The following STK39 variants were observed in gnomAD, a reference collection of about 807,000 sequenced individuals.
STK39 encodes STE20/SPS1-related proline-alanine-rich protein kinase.
A neutral mutation model predicts 77.8 loss-of-function variants in STK39; 20 were observed. That is an observed-to-expected ratio of 0.26 (90% confidence interval 0.18 to 0.37). The LOEUF is 0.37. Ranked by LOEUF, STK39 falls within the 10% of genes least tolerant of loss-of-function variation. The probability of loss-of-function intolerance (pLI) is 1.00; values close to 1 mark genes in which losing one functional copy is unlikely to be tolerated. For missense variants in STK39, 479 were observed against 656.5 expected (o/e 0.73, Z 2.95); for synonymous variants, 246 against 234.1 (o/e 1.05, Z -0.47).
intron 10 of STK39, among the ~76,000 whole-genome samples, chr2:168,111,849 C>T (rs1004329244): frequency 2.6e-5 from 4 of 152,208 alleles, no homozygotes; most frequent in Non-Finnish European, 4.4e-5. Context: ...AACCTGCCCA[C>T]CCTCCATCTA....
At chr2:168,165,012 A>G (rs1024393020) in intron 3 of STK39, among the ~76,000 whole-genome samples, 1 of 152,170 alleles carries the variant, frequency 6.6e-6, no homozygotes, top group African/African-American at 2.4e-5. Context: ...CCCCTCATTA[A>G]GAGATTCAAT....
At chr2:168,153,913 G>A (rs1261783251) in intron 5 of STK39, among the ~76,000 whole-genome samples, 1 of 152,158 alleles carries the variant, frequency 6.6e-6, no homozygotes, top group Non-Finnish European at 1.5e-5. Context: ...GGGTTGGAGG[G>A]TTTTGAGGAA....
chr2:168,153,767 G>A (rs889707164), intron 5 of STK39, among the ~76,000 whole-genome samples: 24 of 152,296 alleles, frequency 1.6e-4, no homozygotes, highest in Admixed American at 1.6e-3. Flanking sequence ...CGGGGCAGCA[G>A]CATGCAAGGT....
intron 16 of STK39, among the ~76,000 whole-genome samples, chr2:167,968,330 C>T (rs2105246425): frequency 1.3e-5 from 2 of 152,252 alleles, no homozygotes; most frequent in African/African-American, 4.8e-5. Context: ...GGGTTAAATA[C>T]TAGTTCTGTT....
Position 168,129,732 on chromosome 2 carries a change from C to A in STK39, c.1001G>T (p.Cys334Phe). The A allele has an allele frequency of 6.2e-7, 1 of 1,613,992 alleles. No individual in the cohort carries two copies. Among genetic ancestry groups the A allele is most frequent in the Non-Finnish European group, 8.5e-7 (1 of 1,179,926 alleles). Reference sequence around the variant, plus strand: ...TACCTTGGCTTTCTGGAAGAATTTGCATTTTAAAAGTTCTGCTGCTGTGGG... The same window carrying A: ...TACCTTGGCTTTCTGGAAGAATTTGAATTTTAAAAGTTCTGCTGCTGTGGG... ...KRPTAAELLK[C>F]KFFQKAKNRE... is the part of the protein sequence containing the mutation. Residue 334 changes from cysteine (C) to phenylalanine (F), a missense_variant, in exon 9 of 18, where the codon TGC (cysteine) becomes TTC (phenylalanine). Physicochemically the swap from Cys to Phe is radical, Grantham distance 205. Coordinates refer to ENST00000355999, the MANE Select transcript of STK39 (RefSeq NM_013233.3).
intron 16 of STK39, among the ~76,000 whole-genome samples, chr2:167,978,281 G>GT (rs1019182407): frequency 1.3e-5 from 2 of 152,074 alleles, no homozygotes; most frequent in Non-Finnish European, 2.9e-5. Flanking sequence ...GCAAGAGGTG[G>GT]TTTTTTGGGA....
At chr2:168,065,513 G>T in intron 12 of STK39, 132 bp from the exon 13 acceptor site, 1 of 900,074 alleles carries the variant, frequency 1.1e-6, no homozygotes, top group Non-Finnish European at 1.8e-6. Flanking sequence ...CCAAAGTGTG[G>T]CTCTTTGACT....
intron 14 of STK39, among the ~76,000 whole-genome samples, chr2:168,038,154 C>CA (rs1685006924): frequency 6.6e-6 from 1 of 152,108 alleles, no homozygotes; most frequent in Non-Finnish European, 1.5e-5. Context: ...TAATTAAAAA[C>CA]ACACATGTAA....
At chr2:167,959,196 G>A (rs1207314320) in intron 17 of STK39, among the ~76,000 whole-genome samples, 1 of 151,682 alleles carries the variant, frequency 6.6e-6, no homozygotes, top group Admixed American at 6.6e-5. Flanking sequence ...TCGGCTCACT[G>A]CAACCTCCGC....
intron 1 of STK39, among the ~76,000 whole-genome samples, chr2:168,213,071 T>C (rs901376596): frequency 2.0e-5 from 3 of 152,236 alleles, no homozygotes; most frequent in Non-Finnish European, 2.9e-5. Flanking sequence ...CATGAGTGCA[T>C]GTTCACAGAT....
chr2:168,138,141 G>A lies in STK39; in HGVS notation c.921C>T (p.Gly307=). 6.2e-7 allele frequency: 1 copy of A among 1,614,014 alleles called. No individual in the cohort carries two copies. Among genetic ancestry groups the A allele is most frequent in the Non-Finnish European group, 8.5e-7 (1 of 1,179,946 alleles). The change falls in exon 8 of 18, where the codon GGC becomes GGT. Residue 307 remains glycine, a synonymous_variant. Coordinates refer to ENST00000355999, the MANE Select transcript of STK39 (RefSeq NM_013233.3). ...VEDKEMMKKY[G]KSFRKLLSLC... ...GTGAAAGTAATTTTCTAAAGGACTT[G>A]CCGTACTTTTTCATCATTTCTTTAT...
Position 168,039,491 on chromosome 2 carries a change from C to T in STK39, c.1377-22396G>A, listed in dbSNP as rs1685046563. ...CCTGTAGTCCCAGCTACTCGGGAGG[C>T]TGAGGCAGGAGAATGGCGTGAACCC... On this transcript the variant is annotated intron_variant, in intron 14 of 17. Coordinates refer to ENST00000355999, the MANE Select transcript of STK39 (RefSeq NM_013233.3). Among the ~76,000 whole-genome samples the T allele has an allele frequency of 5.7e-5, 4 of 70,126 alleles. 2 individuals are homozygous for T. The South Asian group carries it at 1.5e-3, about 26-fold the overall frequency. 46.0% of individuals were successfully genotyped at this position (70,126 alleles called of 152,430 possible). A position where few individuals can be genotyped will look rare whatever the true frequency, so the allele number is the denominator to read the frequency against.
chr2:167,981,610 G>C (rs1439981377), intron 16 of STK39, among the ~76,000 whole-genome samples: 1 of 152,060 alleles, frequency 6.6e-6, no homozygotes, highest in Non-Finnish European at 1.5e-5. Context: ...CTCTTGTCCC[G>C]GTGTTGTGTT....
At chr2:168,135,147 G>A (rs901526332) in intron 8 of STK39, among the ~76,000 whole-genome samples, 3 of 118,700 alleles carry the variant, frequency 2.5e-5, no homozygotes, top group Non-Finnish European at 5.7e-5. Flanking sequence ...TGAGGAATTG[G>A]GGTGTGTAAA....
intron 1 of STK39, among the ~76,000 whole-genome samples, chr2:168,236,185 T>A (rs1465224501): frequency 6.6e-6 from 1 of 152,196 alleles, no homozygotes; most frequent in African/African-American, 2.4e-5. Flanking sequence ...TGGTTTTCAT[T>A]TGCATTTCTC....
intron 8 of STK39, among the ~76,000 whole-genome samples, chr2:168,135,183 G>C (rs950478222): frequency 6.6e-6 from 1 of 151,700 alleles, no homozygotes; most frequent in Non-Finnish European, 1.5e-5. Context: ...AGTGTAATAA[G>C]TGCTACAAAA....
intron 5 of STK39, among the ~76,000 whole-genome samples, chr2:168,145,234 C>A (rs1688105313): frequency 6.6e-6 from 1 of 152,124 alleles, no homozygotes; most frequent in South Asian, 2.1e-4. Context: ...CTGACAGCTG[C>A]AAGGGTCAAA....
At chr2:167,955,614 T>A (rs747232006) in intron 17 of STK39, 44 bp from the exon 18 acceptor site, 1 of 1,588,180 alleles carries the variant, frequency 6.3e-7, no homozygotes. Flanking sequence ...TTGCTGCTGC[T>A]GCTGGTTGTT....
intron 10 of STK39, among the ~76,000 whole-genome samples, chr2:168,085,427 C>T (rs879609675): frequency 1.3e-5 from 2 of 152,146 alleles, no homozygotes; most frequent in Admixed American, 1.3e-4. Flanking sequence ...GTATTCCTGC[C>T]GCATCCTGAG....
Sources: gnomAD v4.1 joint callset for allele counts (sites outside exome capture counted in the v4.1 genomes callset) on GRCh38, gnomAD v4.1.1 for gene constraint, MANE v1.5 for transcripts, NCBI Gene and HGNC (gene_info 2026-07-23, HGNC 2026-07-21) for gene names.